The following JAZF1 variants were observed in gnomAD, a reference collection of about 807,000 sequenced individuals.
JAZF1 encodes the protein JAZF zinc finger 1, also known as juxtaposed with another zinc finger protein 1.
In JAZF1, 8 loss-of-function variants were observed where a neutral mutation model predicts 26.4. That is an observed-to-expected ratio of 0.30 (90% confidence interval 0.18 to 0.55). JAZF1 has a LOEUF of 0.55. JAZF1 is among the 20% of genes least tolerant of loss of function. The probability of loss-of-function intolerance (pLI) is 0.94; values close to 1 mark genes in which losing one functional copy is unlikely to be tolerated. For synonymous variants in JAZF1, 126 were observed against 122.3 expected, an observed-to-expected ratio of 1.03 and a Z score of -0.20; for missense variants, 199 against 322.0, an observed-to-expected ratio of 0.62 and a Z score of 2.92.
Position 28,092,533 on chromosome 7 carries a change from CT to C in JAZF1, c.115+87929del, listed in dbSNP as rs376606352. ...AAAGGAAAAGAAACTGCTTAAACTA[CT>C]TCATAGAACTGCTTTTAGAAATTTC... On this transcript the variant is annotated intron_variant, in intron 1 of 4. Coordinates refer to ENST00000283928, the MANE Select transcript of JAZF1 (RefSeq NM_175061.4). Among the ~76,000 whole-genome samples, 93 of 151,982 alleles carry C rather than the reference CT, an allele frequency of 6.1e-4. 2 individuals are homozygous for C. The South Asian group carries it at 7.9e-3, about 13-fold the overall frequency.
intron 3 of JAZF1, among the ~76,000 whole-genome samples, chr7:27,848,829 C>T (rs1215994944): frequency 6.6e-6 from 1 of 152,202 alleles, no homozygotes; most frequent in African/African-American, 2.4e-5. Flanking sequence ...CCTACCTGTG[C>T]TTACTTGATT....
chr7:28,169,217 T>G (rs849320), intron 1 of JAZF1, among the ~76,000 whole-genome samples: 135,261 of 152,320 alleles, frequency 0.89, 60,188 homozygotes, highest in East Asian at 1. Context: ...TTAATCTCTT[T>G]ATTTTTCTGT....
At chr7:27,874,832 T>A (rs1449503961) in intron 3 of JAZF1, among the ~76,000 whole-genome samples, 1 of 152,220 alleles carries the variant, frequency 6.6e-6, no homozygotes, top group East Asian at 1.9e-4. Context: ...GCCTTTGGGA[T>A]CATCAAGCCT....
At chr7:28,000,313 G>C (rs1786118293) in intron 1 of JAZF1, among the ~76,000 whole-genome samples, 1 of 152,130 alleles carries the variant, frequency 6.6e-6, no homozygotes, top group African/African-American at 2.4e-5. Flanking sequence ...GTATCTAGGG[G>C]GTAGAGGGCA....
At chr7:28,026,830 T>C (rs1248335965) in intron 1 of JAZF1, among the ~76,000 whole-genome samples, 2 of 152,160 alleles carry the variant, frequency 1.3e-5, no homozygotes, top group African/African-American at 4.8e-5. Flanking sequence ...TACTGGTGAG[T>C]GGTCAGGAGA....
intron 1 of JAZF1, among the ~76,000 whole-genome samples, chr7:28,109,128 G>A (rs74926476): frequency 6.6e-6 from 1 of 152,066 alleles, no homozygotes. Context: ...ATAATTCTGG[G>A]GATGTAATTA....
intron 4 of JAZF1, among the ~76,000 whole-genome samples, chr7:27,839,259 G>A (rs1782878299): frequency 6.6e-6 from 1 of 152,176 alleles, no homozygotes; most frequent in African/African-American, 2.4e-5. Context: ...CCCCCGGCCT[G>A]GTGCTTGGCC....
chr7:28,080,943 A>AAC (rs915826857), intron 1 of JAZF1, among the ~76,000 whole-genome samples: 14 of 145,984 alleles, frequency 9.6e-5, no homozygotes, highest in African/African-American at 3.5e-4. Flanking sequence ...AAAAAAAACA[A>AAC]AAAAAAAAAT....
intron 1 of JAZF1, among the ~76,000 whole-genome samples, chr7:28,124,203 C>T (rs931277179): frequency 1.3e-5 from 2 of 152,062 alleles, no homozygotes; most frequent in Non-Finnish European, 2.9e-5. Flanking sequence ...ACAGAGAGAC[C>T]CCAGGAGTGT....
rs1323745338 is a variant in JAZF1 at position 27,831,959 on chromosome 7, C to CT, written c.*840dup. The CT allele has an allele frequency of 4.5e-6, 1 of 220,244 alleles. No individual in the cohort carries two copies. Among genetic ancestry groups the CT allele is most frequent in the Admixed American group, 5.8e-5 (1 of 17,318 alleles). 13.6% of individuals were successfully genotyped at this position (220,244 alleles called of 1,614,324 possible). On this transcript the variant is annotated 3_prime_UTR_variant, in exon 5 of 5. Coordinates refer to ENST00000283928, the MANE Select transcript of JAZF1 (RefSeq NM_175061.4). ...ACTTTGCACTGAAGTATTTCAAAGT[C>CT]TTTTCTAACAGATTTCAGGGAAAAA...
At chr7:27,904,501 T>C (rs1166811453) in intron 2 of JAZF1, among the ~76,000 whole-genome samples, 2 of 152,206 alleles carry the variant, frequency 1.3e-5, no homozygotes, top group Non-Finnish European at 2.9e-5. Flanking sequence ...TACTTTTCAG[T>C]AGAAAAGAGA....
At chr7:27,962,736 A>G (rs995111045) in intron 2 of JAZF1, among the ~76,000 whole-genome samples, 7 of 152,194 alleles carry the variant, frequency 4.6e-5, no homozygotes, top group African/African-American at 1.4e-4. Flanking sequence ...TTCATTTTGT[A>G]TTTAGTCCTG....
At chr7:27,893,696 G>A (rs1000949914) in intron 3 of JAZF1, among the ~76,000 whole-genome samples, 14 of 152,178 alleles carry the variant, frequency 9.2e-5, no homozygotes, top group Admixed American at 6.5e-5. Context: ...ATTTATTTGC[G>A]TATTGATTTG....
intron 3 of JAZF1, chr7:27,841,379 A>G (rs1782918893): frequency 6.6e-6 from 1 of 152,644 alleles, no homozygotes; most frequent in African/African-American, 2.4e-5. Context: ...AATGAATTTC[A>G]GGTCTTTTTC....
intron 3 of JAZF1, chr7:27,844,704 AT>A (rs1273344555): frequency 3.3e-5 from 5 of 152,240 alleles, no homozygotes; most frequent in Non-Finnish European, 5.9e-5. Context: ...GTTTTAATAA[AT>A]TTTTTATAAG....
chr7:28,155,499 G>GT (rs1377413600), intron 1 of JAZF1, among the ~76,000 whole-genome samples: 1 of 152,220 alleles, frequency 6.6e-6, no homozygotes, highest in African/African-American at 2.4e-5. Context: ...TATAAAGTGT[G>GT]TTTTAGTTTT....
At chr7:28,018,247 G>T (rs902947137) in intron 1 of JAZF1, among the ~76,000 whole-genome samples, 1 of 152,204 alleles carries the variant, frequency 6.6e-6, no homozygotes, top group African/African-American at 2.4e-5. Context: ...GCACAGGCCT[G>T]GAGGCGGAAA....
intron 3 of JAZF1, among the ~76,000 whole-genome samples, chr7:27,853,730 T>C (rs1336755346): frequency 1.3e-5 from 2 of 152,252 alleles, no homozygotes; most frequent in East Asian, 3.9e-4. Flanking sequence ...TGCACTGTGG[T>C]GTGAGAGACA....
chr7:28,035,845 C>G (rs939525240), intron 1 of JAZF1, among the ~76,000 whole-genome samples: 8 of 152,120 alleles, frequency 5.3e-5, no homozygotes, highest in African/African-American at 1.9e-4. Flanking sequence ...CAACAGCAAC[C>G]TGAAACCCTG....
Sources: allele counts gnomAD v4.1 joint callset (sites outside exome capture counted in the v4.1 genomes callset), GRCh38; gene constraint gnomAD v4.1.1; transcripts MANE v1.5; gene names NCBI Gene and HGNC (gene_info 2026-07-23, HGNC 2026-07-21).